The following TENT5D variants were observed in gnomAD, a reference collection of about 807,000 sequenced individuals.
The protein encoded by TENT5D is terminal nucleotidyltransferase 5D.
For missense variants in TENT5D, 191 were observed against 287.0 expected, an observed-to-expected ratio of 0.67 and a Z score of 2.42; for synonymous variants, 103 against 100.6, an observed-to-expected ratio of 1.02 and a Z score of -0.15.
intron 3 of TENT5D, among the ~76,000 whole-genome samples, chrX:80,366,240 T>TGTG: frequency 9.2e-6 from 1 of 109,170 alleles, no homozygotes; most frequent in African/African-American, 3.3e-5. Context: ...TGTGTGTGTG[T>TGTG]TCCATATGGA....
At chrX:80,424,218 T>A (rs1931944404) in intron 1 of TENT5D, among the ~76,000 whole-genome samples, 1 of 111,605 alleles carries the variant, frequency 9.0e-6, no homozygotes, top group Admixed American at 9.6e-5. Flanking sequence ...CATTACCATT[T>A]GTAGCTTGAT....
At chrX:80,387,803 C>T (rs1188654074) in intron 3 of TENT5D, among the ~76,000 whole-genome samples, 1 of 111,604 alleles carries the variant, frequency 9.0e-6, no homozygotes, top group African/African-American at 3.3e-5. Flanking sequence ...GCGAAGCTGG[C>T]GAGGCTTCTG....
intron 3 of TENT5D, among the ~76,000 whole-genome samples, chrX:80,343,818 T>C (rs938925071): frequency 2.7e-5 from 3 of 111,809 alleles, no homozygotes; most frequent in African/African-American, 9.8e-5. Flanking sequence ...TATTTTAGGT[T>C]CAGGGGTTAC....
At chrX:80,443,735 T>G (rs1932335488) in exon 3 of TENT5D, 6 of 1,079,438 alleles carry the variant, frequency 5.6e-6, no homozygotes, top group Non-Finnish European at 7.4e-6. Flanking sequence ...CCATAGAAAC[T>G]TTGATTTAAT....
chrX:80,384,666 C>A (rs1401545586), intron 3 of TENT5D, among the ~76,000 whole-genome samples: 1 of 101,980 alleles, frequency 9.8e-6, no homozygotes, highest in Admixed American at 1.1e-4. Context: ...GATTGTATAT[C>A]TAGAAAACCC....
At chrX:80,385,009 T>C (rs1375652130) in intron 3 of TENT5D, among the ~76,000 whole-genome samples, 2 of 111,429 alleles carry the variant, frequency 1.8e-5, no homozygotes, top group Non-Finnish European at 3.8e-5. Flanking sequence ...AGGTAATTTA[T>C]ACATTCAATG....
intron 3 of TENT5D, among the ~76,000 whole-genome samples, chrX:80,366,188 GAGAA>G (rs200728487): frequency 0.042 from 3,777 of 90,790 alleles, 78 homozygotes; most frequent in South Asian, 0.17. Context: ...GTTTGAGAGA[GAGAA>G]AGAGAGAAGA....
At chrX:80,369,161 A>G (rs1020694887) in intron 3 of TENT5D, among the ~76,000 whole-genome samples, 1 of 111,762 alleles carries the variant, frequency 8.9e-6, no homozygotes, top group Non-Finnish European at 1.9e-5. Flanking sequence ...AGATTATTCA[A>G]TTAGTGTCTG....
intron 3 of TENT5D, among the ~76,000 whole-genome samples, chrX:80,346,339 T>C (rs1930060463): frequency 8.9e-6 from 1 of 112,309 alleles, no homozygotes; most frequent in African/African-American, 3.2e-5. Context: ...GCTGTGTATA[T>C]TGATATACCA....
At position 80,426,633 on chromosome X, in the gene TENT5D, A is replaced by G. The variant is rs553682595; in HGVS notation, c.-142+6070A>G. On this transcript the variant is annotated intron_variant, in intron 1 of 2. Transcript: ENST00000308293. ...TATACAGAGTTTTCATGGTAAGATT[A>G]ATTCATACAGTTTTTCCACAGTTTG... Among the ~76,000 whole-genome samples the G allele has an allele frequency of 5.3e-5, 6 of 112,383 alleles. No individual in the cohort carries two copies. In the South Asian group the frequency reaches 2.2e-3, roughly 41 times the overall value.
intron 3 of TENT5D, among the ~76,000 whole-genome samples, chrX:80,369,217 A>G (rs1476936749): frequency 8.9e-6 from 1 of 112,244 alleles, no homozygotes; most frequent in Admixed American, 9.5e-5. Flanking sequence ...ATTTTAATCA[A>G]GAAACTTGAA....
chrX:80,429,342 G>A (rs931245743), intron 1 of TENT5D, among the ~76,000 whole-genome samples: 32 of 111,001 alleles, frequency 2.9e-4, no homozygotes, highest in South Asian at 1.2e-3. Context: ...TTGTTTTGTC[G>A]CCCAGGCTGA....
chrX:80,381,871 A>G (rs1490669393), intron 3 of TENT5D, among the ~76,000 whole-genome samples: 1 of 111,609 alleles, frequency 9.0e-6, no homozygotes, highest in Non-Finnish European at 1.9e-5. Context: ...TCTTTTTTCA[A>G]GGTTTTTAGC....
chrX:80,356,305 C>T (rs976453089), intron 3 of TENT5D, among the ~76,000 whole-genome samples: 2 of 111,469 alleles, frequency 1.8e-5, no homozygotes, highest in Admixed American at 1.9e-4. Flanking sequence ...TTGAGAGTAG[C>T]CTATTCAATA....
At chrX:80,436,196 A>C (rs1163235632) in intron 1 of TENT5D, among the ~76,000 whole-genome samples, 2 of 110,906 alleles carry the variant, frequency 1.8e-5, no homozygotes, top group Admixed American at 9.7e-5. Flanking sequence ...TATCTACTAA[A>C]TAGAATATCT....
chrX:80,366,531 G>A (rs1218593170), intron 3 of TENT5D, among the ~76,000 whole-genome samples: 1 of 111,084 alleles, frequency 9.0e-6, no homozygotes, highest in Non-Finnish European at 1.9e-5. Flanking sequence ...CTCACAGAAT[G>A]CACAAGTGCT....
intron 3 of TENT5D, among the ~76,000 whole-genome samples, chrX:80,379,127 G>T (rs1371826746): frequency 9.8e-6 from 1 of 101,772 alleles, no homozygotes; most frequent in Non-Finnish European, 2.0e-5. Flanking sequence ...TGCAGAAAAG[G>T]CCTTTTCTGC....
At chrX:80,380,540 T>C (rs1267298887) in intron 3 of TENT5D, among the ~76,000 whole-genome samples, 1 of 110,940 alleles carries the variant, frequency 9.0e-6, no homozygotes, top group Non-Finnish European at 1.9e-5. Flanking sequence ...CATTGATCTG[T>C]CTAATATTGA....
At chrX:80,407,358 C>A (rs1370376383) in intron 3 of TENT5D, among the ~76,000 whole-genome samples, 2 of 110,735 alleles carry the variant, frequency 1.8e-5, no homozygotes, top group Non-Finnish European at 3.8e-5. Context: ...GGAAACCCAT[C>A]TCATGGGCAG....
Sources: gnomAD v4.1 joint callset for allele counts (sites outside exome capture counted in the v4.1 genomes callset) on GRCh38, gnomAD v4.1.1 for gene constraint, MANE v1.5 for transcripts, NCBI Gene and HGNC (gene_info 2026-07-23, HGNC 2026-07-21) for gene names.